NCOA1: variants seen among roughly 807,000 people sequenced by gnomAD.
The protein encoded by NCOA1 is Hin-2 protein.
Under a neutral mutation model 150.9 loss-of-function variants are expected in NCOA1, and 35 were observed. The ratio of observed to expected loss-of-function variants is 0.23; its 90% CI spans 0.18 to 0.31. NCOA1 has a LOEUF of 0.31. Ranked by LOEUF, NCOA1 falls within the 10% of genes least tolerant of loss-of-function variation. The pLI, the probability that NCOA1 is intolerant of heterozygous loss-of-function variation, is 1.00. For missense variants in NCOA1, 1,491 were observed against 1,749.3 expected, an observed-to-expected ratio of 0.85 and a Z score of 2.63; for synonymous variants, 590 against 630.0, an observed-to-expected ratio of 0.94 and a Z score of 0.95.
At chr2:24,713,615 G>A (rs1163735399) in intron 14 of NCOA1, among the ~76,000 whole-genome samples, 9 of 152,086 alleles carry the variant, frequency 5.9e-5, no homozygotes, top group African/African-American at 2.2e-4. Context: ...TGTAAATAAC[G>A]GGAAAAAGAG....
At chr2:24,583,440 A>G (rs1179490100) in intron 2 of NCOA1, among the ~76,000 whole-genome samples, 1 of 152,144 alleles carries the variant, frequency 6.6e-6, no homozygotes, top group African/African-American at 2.4e-5. Context: ...CTCATACACT[A>G]TTTGTAGGAA....
At chr2:24,670,685 T>G (rs1392421449) in intron 6 of NCOA1, among the ~76,000 whole-genome samples, 2 of 151,848 alleles carry the variant, frequency 1.3e-5, no homozygotes, top group Non-Finnish European at 2.9e-5. Flanking sequence ...ATTGGAAAAA[T>G]GGGGAGTGAC....
At chr2:24,712,245 A>G (rs961122707) in intron 14 of NCOA1, among the ~76,000 whole-genome samples, 2 of 152,264 alleles carry the variant, frequency 1.3e-5, no homozygotes, top group African/African-American at 4.8e-5. Context: ...TTCTTCTAAT[A>G]GAAGCAGTGA....
At chr2:24,579,597 A>G (rs149614213) in intron 2 of NCOA1, among the ~76,000 whole-genome samples, 233 of 152,334 alleles carry the variant, frequency 1.5e-3, no homozygotes, top group Middle Eastern at 6.8e-3. Flanking sequence ...AAGTGAGCCT[A>G]TAAGTCTGAA....
At chr2:24,724,139 A>G (rs1037032526) in intron 14 of NCOA1, among the ~76,000 whole-genome samples, 12 of 151,754 alleles carry the variant, frequency 7.9e-5, no homozygotes, top group African/African-American at 2.9e-4. Context: ...CCTTTTAGCT[A>G]TATTTTAAAT....
chr2:24,737,547 GC>G lies in NCOA1; in HGVS notation c.3202-1883del, dbSNP rs1489824008. The stretch of plus-strand genomic sequence containing the variant: ...TATGTTTGGAATGTATTTTTACCTG[GC>G]CTCATTGCCTCCTCTCCTGTTTTTT... On this transcript the variant is annotated intron_variant, in intron 17 of 22. Coordinates refer to ENST00000348332, the MANE Select transcript of NCOA1 (RefSeq NM_003743.5). Among the ~76,000 whole-genome samples the G allele has an allele frequency of 2.6e-5, 4 of 152,128 alleles. No individual in the cohort carries two copies. In the East Asian group the frequency reaches 7.7e-4, roughly 29 times the overall value.
At position 24,543,343 on chromosome 2, in the gene NCOA1, CA is replaced by C. The variant is rs576811606; in HGVS notation, c.-395-20951del. ...ATCCAGTCCTGAGAAAACTCACTCC[CA>C]CAGAAGAGAATTAAATCTATTTGTG... On this transcript the variant is annotated intron_variant, in intron 1 of 22. Transcript: ENST00000348332. Among the ~76,000 whole-genome samples, 458 of 152,258 alleles carry C rather than the reference CA, an allele frequency of 3.0e-3. 2 individuals are homozygous for C. The highest frequency in any genetic ancestry group is 0.011 in the African/African-American group (440 of 41,554).
At chr2:24,698,711 G>T (rs763133816) in intron 11 of NCOA1, among the ~76,000 whole-genome samples, 1 of 151,984 alleles carries the variant, frequency 6.6e-6, no homozygotes, top group Non-Finnish European at 1.5e-5. Context: ...TCATTGTATG[G>T]CTTTTCCTGA....
intron 10 of NCOA1, among the ~76,000 whole-genome samples, chr2:24,696,316 A>G (rs1266535106): frequency 6.6e-6 from 1 of 152,202 alleles, no homozygotes; most frequent in Non-Finnish European, 1.5e-5. Flanking sequence ...ACTGGATGAT[A>G]GATTTGAGTT....
intron 19 of NCOA1, among the ~76,000 whole-genome samples, chr2:24,745,114 T>C (rs940646169): frequency 1.3e-5 from 2 of 152,010 alleles, no homozygotes; most frequent in African/African-American, 4.8e-5. Flanking sequence ...TGATAATGAG[T>C]GTAAAAGAAC....
At chr2:24,696,805 G>A (rs964766988) in intron 10 of NCOA1, among the ~76,000 whole-genome samples, 4 of 152,094 alleles carry the variant, frequency 2.6e-5, no homozygotes, top group African/African-American at 9.7e-5. Context: ...ATGTGATGGA[G>A]CAATATTGGT....
In NCOA1 at chr2:24,576,149, GT is replaced by G. The variant is rs1183405187; in HGVS notation, c.-259-8314del. 3.2e-4 allele frequency among the ~76,000 whole-genome samples: 30 copies of G among 94,006 alleles called. No individual in the cohort carries two copies. The South Asian group carries it at 7.1e-3, about 22-fold the overall frequency. 61.7% of individuals were successfully genotyped at this position (94,006 alleles called of 152,430 possible). On this transcript the variant is annotated intron_variant, in intron 2 of 22. Coordinates refer to ENST00000348332, the MANE Select transcript of NCOA1 (RefSeq NM_003743.5). The stretch of plus-strand genomic sequence containing the variant: ...GAGTTTCAGAAATTATTTGGCCTTT[GT>G]TTTTTTTTTTTTGTTTTTTGTTTTT...
intron 15 of NCOA1, among the ~76,000 whole-genome samples, chr2:24,727,552 G>A (rs1662758178): frequency 6.6e-6 from 1 of 152,186 alleles, no homozygotes; most frequent in Non-Finnish European, 1.5e-5. Flanking sequence ...CCAACCACAG[G>A]AAGACTAGAT....
At chr2:24,729,441 A>G (rs1285220647) in intron 16 of NCOA1, 60 bp from the exon 17 acceptor site, 1 of 1,452,952 alleles carries the variant, frequency 6.9e-7, no homozygotes, top group Non-Finnish European at 9.5e-7. Flanking sequence ...AGAAATACGG[A>G]AGCATGTTAC....
chr2:24,547,362 T>C (rs1255141783), intron 1 of NCOA1, among the ~76,000 whole-genome samples: 1 of 152,204 alleles, frequency 6.6e-6, no homozygotes, highest in African/African-American at 2.4e-5. Context: ...CACTATAAAT[T>C]TAATAAGTAT....
At chr2:24,625,065 T>C (rs1167129695) in intron 3 of NCOA1, among the ~76,000 whole-genome samples, 1 of 152,212 alleles carries the variant, frequency 6.6e-6, no homozygotes, top group East Asian at 1.9e-4. Context: ...GAGTTTTATA[T>C]AATTTTCTTG....
rs557033164 is a variant in NCOA1, at chr2:24,677,570, T to C, written c.354+4107T>C. Among the ~76,000 whole-genome samples, 7 of 152,226 alleles carry C rather than the reference T, an allele frequency of 4.6e-5. No homozygotes were observed. In the East Asian group the frequency reaches 1.4e-3, roughly 30 times the overall value. ...TCCCAAGTACCTGGGACTACAGGCA[T>C]GTACCACCATGCCCGGCTAATTTTT... On this transcript the variant is annotated intron_variant, in intron 7 of 22. Coordinates refer to ENST00000348332, the MANE Select transcript of NCOA1 (RefSeq NM_003743.5).
chr2:24,535,709 A>G (rs1401074335), intron 1 of NCOA1, among the ~76,000 whole-genome samples: 4 of 152,092 alleles, frequency 2.6e-5, no homozygotes, highest in Non-Finnish European at 5.9e-5. Context: ...TCACTTATGA[A>G]GCTTAGTTTG....
At chr2:24,582,605 T>A (rs1004936003) in intron 2 of NCOA1, among the ~76,000 whole-genome samples, 1 of 151,872 alleles carries the variant, frequency 6.6e-6, no homozygotes, top group East Asian at 1.9e-4. Context: ...GAAAAAAAGA[T>A]CCTAAAATTT....
Sources: allele counts gnomAD v4.1 joint callset (sites outside exome capture counted in the v4.1 genomes callset), GRCh38; gene constraint gnomAD v4.1.1; transcripts MANE v1.5; gene names NCBI Gene and HGNC (gene_info 2026-07-23, HGNC 2026-07-21).